DOCK6: variants seen among roughly 807,000 people sequenced by gnomAD.
The protein encoded by DOCK6 is dedicator of cytokinesis protein 6.
In DOCK6, 167 loss-of-function variants were observed where a neutral mutation model predicts 230.3. The observed-to-expected ratio is 0.73, with a 90% confidence interval of 0.64 to 0.82. DOCK6 has a LOEUF of 0.82. Ranked by LOEUF, DOCK6 falls within the 40% of genes least tolerant of loss-of-function variation. DOCK6 has a pLI of 0.00. For synonymous variants in DOCK6, 1,148 were observed against 1,185.0 expected (o/e 0.97, Z 0.64); for missense variants, 2,598 against 2,825.8 (o/e 0.92, Z 1.83).
rs2079181500 is a variant in DOCK6 at position 11,202,210 on chromosome 19, C to T, written c.5452-85G>A. 1 of 1,473,466 alleles carries T rather than the reference C, an allele frequency of 6.8e-7. No homozygotes were observed. The highest frequency in any genetic ancestry group is 1.4e-5 in the African/African-American group (1 of 71,720). 91.3% of individuals were successfully genotyped at this position (1,473,466 alleles called of 1,614,324 possible). A position where few individuals can be genotyped will look rare whatever the true frequency, so the allele number is the denominator to read the frequency against. On this transcript the variant is annotated intron_variant, in intron 43 of 47. Coordinates refer to ENST00000294618, the MANE Select transcript of DOCK6 (RefSeq NM_020812.4). This position sits in a 1 kb window ranked among gnomAD's most constrained non-coding sequence, Gnocchi z 5.3. The stretch of plus-strand genomic sequence containing the variant: ...TTCCTGGAGAGAGGGGATCTGGGGA[C>T]TTTGTCATTTCCAAGTCTTCCTATG...
chr19:11,251,849 A>G, intron 5 of DOCK6: 1 of 480,910 alleles, frequency 2.1e-6, no homozygotes, highest in Non-Finnish European at 3.7e-6. Flanking sequence ...GCCTCTAAGA[A>G]CCTTGCTGTG....
At chr19:11,203,069 G>T (rs2079197951) in intron 41 of DOCK6, among the ~76,000 whole-genome samples, 1 of 152,076 alleles carries the variant, frequency 6.6e-6, no homozygotes, top group East Asian at 1.9e-4. Flanking sequence ...CACAAGAATG[G>T]GTATACAGTA....
chr19:11,201,245 G>T lies in DOCK6; in HGVS notation c.5689-193C>A, dbSNP rs1212442713. ...TGGGTCTGCTGGGTCTGGTGCCCTG[G>T]GGTCCAGGGGCTTTACCTCTGGGGT... On this transcript the variant is annotated intron_variant, in intron 44 of 47. Coordinates refer to ENST00000294618, the MANE Select transcript of DOCK6 (RefSeq NM_020812.4). This position sits in a 1 kb window ranked among gnomAD's most constrained non-coding sequence, Gnocchi z 4.3. Among the ~76,000 whole-genome samples, 1 of 151,994 alleles carries T rather than the reference G, an allele frequency of 6.6e-6. No individual in the cohort carries two copies. Among genetic ancestry groups the T allele is most frequent in the Non-Finnish European group, 1.5e-5 (1 of 67,962 alleles).
Position 11,202,394 on chromosome 19 carries a change from C to T in DOCK6, c.5451G>A (p.Lys1817=), listed in dbSNP as rs753241141. ...TTGGGGAAATGGTTGGGGGACCCAC[C>T]TTTTGTGAGTCAAGCTTGGACTTGT... ...PVDKSKLDSQ[K]AYIQITYVEP... The change falls in exon 43 of 48, where the codon AAG becomes AAA. Residue 1817 remains lysine, a splice_region_variant and synonymous_variant. Coordinates refer to ENST00000294618, the MANE Select transcript of DOCK6 (RefSeq NM_020812.4). This position sits in a 1 kb window ranked among gnomAD's most constrained non-coding sequence, Gnocchi z 5.3. 1 of 1,613,600 alleles carries T rather than the reference C, an allele frequency of 6.2e-7. No homozygotes were observed. The highest frequency in any genetic ancestry group is 8.5e-7 in the Non-Finnish European group (1 of 1,179,742).
chr19:11,242,539 G>T (rs1266543818), intron 13 of DOCK6, among the ~76,000 whole-genome samples: 1 of 152,024 alleles, frequency 6.6e-6, no homozygotes, highest in Non-Finnish European at 1.5e-5. Context: ...TTACAGGTGT[G>T]TGCCACCACA....
In DOCK6 at chr19:11,238,315, C is replaced by T. The variant is rs1348513670; in HGVS notation, c.1644-11G>A. ...ACGTACAGCAGGTTCCTGTGGGGGG[C>T]AGGATGGGGGTGTCAGAGGGACAGG... is the stretch of plus-strand genomic sequence containing the variant. On this transcript the variant is annotated splice_polypyrimidine_tract_variant and intron_variant, in intron 14 of 47. Transcript: ENST00000294618. 3.1e-6 allele frequency: 5 copies of T among 1,594,546 alleles called. No homozygotes were observed. The highest frequency in any genetic ancestry group is 3.4e-6 in the Non-Finnish European group (4 of 1,171,392).
At chr19:11,257,079 T>C (rs576409103) in intron 1 of DOCK6, among the ~76,000 whole-genome samples, 7 of 148,418 alleles carry the variant, frequency 4.7e-5, no homozygotes, top group Non-Finnish European at 6.0e-5. Context: ...CTCAACCTCC[T>C]GGGTTCAAGG....
In DOCK6 at chr19:11,237,655, G is replaced by A. The variant is rs755822499; in HGVS notation, c.1957C>T (p.Pro653Ser). 12 of 1,597,826 alleles carry A rather than the reference G, an allele frequency of 7.5e-6. No individual in the cohort carries two copies. Among genetic ancestry groups the A allele is most frequent in the Non-Finnish European group, 8.5e-7 (1 of 1,172,888 alleles). Reference protein sequence around the residue: ...QPRPGTALETPVGFTWIPLLQ... With the variant: ...QPRPGTALETSVGFTWIPLLQ... ...GGACGGCTCACAGTAAAGCCCACGG[G>A]TGTCTCCAGGGCAGTGCCCGGCCGG... is the stretch of plus-strand genomic sequence containing the variant. Residue 653 changes from proline to serine, a missense_variant, in exon 17 of 48, where the codon CCC becomes TCC. Physicochemically the swap from Pro to Ser is moderately conservative, Grantham distance 74 (BLOSUM62 -1). Coordinates refer to ENST00000294618, the MANE Select transcript of DOCK6 (RefSeq NM_020812.4).
chr19:11,246,959 G>C (rs1322492914), intron 7 of DOCK6, among the ~76,000 whole-genome samples: 1 of 152,138 alleles, frequency 6.6e-6, no homozygotes, highest in African/African-American at 2.4e-5. Flanking sequence ...CCCTGCAAGG[G>C]AAGCTGTCCC....
At chr19:11,233,017 C>A (rs2079792432) in intron 22 of DOCK6, among the ~76,000 whole-genome samples, 186 bp downstream of exon 22, 2 of 152,110 alleles carry the variant, frequency 1.3e-5, no homozygotes, top group African/African-American at 4.8e-5. Flanking sequence ...GAGTAGAGCT[C>A]AACACAAAGT....
chr19:11,209,986 C>T (rs2079345536), intron 37 of DOCK6, among the ~76,000 whole-genome samples: 1 of 138,284 alleles, frequency 7.2e-6, no homozygotes, highest in Non-Finnish European at 1.6e-5. Flanking sequence ...TCCACCCTCT[C>T]ACCTGCCCAT....
At position 11,245,597 on chromosome 19, in the gene DOCK6, G is replaced by A. The variant is rs981334936; in HGVS notation, c.989C>T (p.Thr330Ile). Residue 330 changes from threonine (T) to isoleucine (I), a missense_variant, in exon 9 of 48, where the codon ACC becomes ATC. Coordinates refer to ENST00000294618, the MANE Select transcript of DOCK6 (RefSeq NM_020812.4). Reference sequence around the variant, plus strand: ...CAGGAAGATGTCAGGTGAGGGGTAGGTCACAGAGAAGATGGCAGAGCGGGC... The same window carrying A: ...CAGGAAGATGTCAGGTGAGGGGTAGATCACAGAGAAGATGGCAGAGCGGGC... ...TLARSAIFSV[T>I]YPSPDIFLVI... 1.0e-5 allele frequency: 16 copies of A among 1,571,106 alleles called. No homozygotes were observed. In the African/African-American group the frequency reaches 1.6e-4, roughly 16 times the overall value.
intron 28 of DOCK6, 66 bp downstream of exon 28, chr19:11,221,785 C>T: frequency 6.2e-7 from 1 of 1,609,660 alleles, no homozygotes; most frequent in South Asian, 1.1e-5. Context: ...CCCACCTTTA[C>T]TATCCTGTGC....
At chr19:11,246,547 A>G (rs1466990913) in intron 7 of DOCK6, among the ~76,000 whole-genome samples, 1 of 151,922 alleles carries the variant, frequency 6.6e-6, no homozygotes, top group Admixed American at 6.6e-5. Context: ...TACAGGCGTG[A>G]GCCACCGCGC....
intron 14 of DOCK6, chr19:11,241,538 C>T (rs774587241): frequency 1.6e-5 from 25 of 1,553,010 alleles, no homozygotes; most frequent in Middle Eastern, 1.7e-4. Flanking sequence ...GCATCGGCTG[C>T]GACAGATCCA....
rs200378092 is a variant in DOCK6 at position 11,235,647 on chromosome 19, G to A, written c.2505C>T (p.Tyr835=). 1,161 of 1,603,396 alleles carry A rather than the reference G, an allele frequency of 7.2e-4. 1 individual carries two copies. The highest frequency in any genetic ancestry group is 9.3e-4 in the Non-Finnish European group (1,092 of 1,175,318). Residue 835 remains tyrosine (Y), a synonymous_variant, in exon 21 of 48, where the codon TAC becomes TAT. Coordinates refer to ENST00000294618, the MANE Select transcript of DOCK6 (RefSeq NM_020812.4). ...ARGHCPQLAA[Y]VHYAFRLPGT... ...CAGGAAGGCGAAAGGCGTAGTGGAC[G>A]TAGGCAGCCAGCTGTGGGCAGTGAC...
rs1238926990 is a variant in DOCK6 at position 11,200,772 on chromosome 19, G to A, written c.5883C>T (p.Pro1961=). 1 of 1,613,456 alleles carries A rather than the reference G, an allele frequency of 6.2e-7. No individual in the cohort carries two copies. The highest frequency in any genetic ancestry group is 8.5e-7 in the Non-Finnish European group (1 of 1,179,612). Residue 1961 remains proline (P), a synonymous_variant, in exon 46 of 48, where the codon CCC becomes CCT. Transcript: ENST00000294618. This position sits in a 1 kb window ranked among gnomAD's most constrained non-coding sequence, Gnocchi z 4.3. ...QVFLAEIPED[P]KLFRHHNKLR... ...ATTTGTTGTGATGCCGGAAGAGCTT[G>A]GGGTCTTCCGGGATCTCTGCTAAAA...
chr19:11,256,243 G>T (rs995541643), intron 1 of DOCK6, among the ~76,000 whole-genome samples: 1 of 152,150 alleles, frequency 6.6e-6, no homozygotes, highest in Non-Finnish European at 1.5e-5. Flanking sequence ...GGGCACACAG[G>T]GGCTGGGGGA....
Position 11,248,147 on chromosome 19 carries a change from T to A in DOCK6, c.725A>T (p.Glu242Val). Residue 242 changes from glutamate to valine, a missense_variant, in exon 7 of 48, where the codon GAA becomes GTA. Transcript: ENST00000294618. ...TGGGCGGCTACAGCGTTCCACGGCT[T>A]CATCCTGCCAAGAGTGGGGGGTGGG... is the stretch of plus-strand genomic sequence containing the variant. The part of the protein sequence containing the change: ...LTLYPAPDED[E>V]AVERCSRPEP... 2 of 1,493,026 alleles carry A rather than the reference T, an allele frequency of 1.3e-6. No individual in the cohort carries two copies. The highest frequency in any genetic ancestry group is 1.8e-6 in the Non-Finnish European group (2 of 1,086,902). 92.5% of individuals were successfully genotyped at this position (1,493,026 alleles called of 1,614,324 possible).
Sources: allele counts gnomAD v4.1 joint callset (sites outside exome capture counted in the v4.1 genomes callset), GRCh38; gene constraint gnomAD v4.1.1; non-coding constraint Gnocchi (gnomAD v3.1); transcripts MANE v1.5; gene names NCBI Gene and HGNC (gene_info 2026-07-23, HGNC 2026-07-21).